Variants in TPX2 observed in about 807,000 individuals in gnomAD.
TPX2 encodes targeting protein for Xklp2.
In TPX2, 21 loss-of-function variants were observed where a neutral mutation model predicts 93.6. That is an observed-to-expected ratio of 0.22 (90% CI 0.16 to 0.32). The LOEUF is 0.32. Among genes scored for constraint, TPX2 ranks in the 10% least tolerant of loss-of-function variants. The pLI, the probability that TPX2 is intolerant of heterozygous loss-of-function variation, is 1.00. For missense variants in TPX2, 776 were observed against 871.1 expected, an observed-to-expected ratio of 0.89 and a Z score of 1.37; for synonymous variants, 281 against 298.3, an observed-to-expected ratio of 0.94 and a Z score of 0.60.
intron 10 of TPX2, chr20:31,781,069 G>A (rs1260208951): frequency 4.6e-6 from 1 of 215,128 alleles, no homozygotes; most frequent in Non-Finnish European, 9.6e-6. Context: ...ATATATAGGT[G>A]CATGCCACCA....
At chr20:31,786,939 G>A (rs1415279867) in intron 12 of TPX2, among the ~76,000 whole-genome samples, 1 of 152,086 alleles carries the variant, frequency 6.6e-6, no homozygotes, top group Non-Finnish European at 1.5e-5. Flanking sequence ...GGAAGTGTTT[G>A]CCAAATCCAG....
chr20:31,767,229 T>C (rs974314550), intron 5 of TPX2, among the ~76,000 whole-genome samples: 2 of 152,214 alleles, frequency 1.3e-5, no homozygotes, highest in Non-Finnish European at 2.9e-5. Context: ...TCAGAGATAC[T>C]AAGTTGCTTG....
chr20:31,754,753 A>G (rs1160363041), intron 2 of TPX2, among the ~76,000 whole-genome samples: 1 of 152,176 alleles, frequency 6.6e-6, no homozygotes. Flanking sequence ...AAAATATTGG[A>G]AAAAGGCTGA....
rs2061928433 is a variant in TPX2, at chr20:31,766,623, T to G, written c.297T>G (p.Ala99=). The G allele has an allele frequency of 1.4e-5, 22 of 1,613,850 alleles. No individual in the cohort carries two copies. The East Asian group carries it at 4.7e-4, about 34-fold the overall frequency. ...NLVEQSIPSN[A]CSSLEVEAAI... is the part of the protein sequence containing the mutation. ...TGGAACAATCCATTCCGTCAAATGCTTGTTCTTCCCTGGAAGTTGAGGCAG... is the reference window on the plus strand; with the variant it reads ...TGGAACAATCCATTCCGTCAAATGCGTGTTCTTCCCTGGAAGTTGAGGCAG... The change falls in exon 5 of 18, where the codon GCT becomes GCG. Residue 99 remains alanine (A), a synonymous_variant. Transcript: ENST00000300403.
In TPX2 at chr20:31,792,634, G is replaced by C. The variant is rs111731935; in HGVS notation, c.1414-101G>C. ...TGAGACCAGCTGGGCAACATAGTGA[G>C]ACCCTGTCTCTACCCAAAGGGGAAA... On this transcript the variant is annotated intron_variant, in intron 12 of 17. Transcript: ENST00000300403. The C allele has an allele frequency of 2.7e-3, 3,033 of 1,141,362 alleles. 42 individuals are homozygous for C. In the African/African-American group the frequency reaches 0.042, roughly 16 times the overall value. 70.7% of individuals were successfully genotyped at this position (1,141,362 alleles called of 1,614,324 possible).
intron 12 of TPX2, among the ~76,000 whole-genome samples, chr20:31,788,278 C>T (rs952909918): frequency 1.1e-4 from 17 of 151,860 alleles, no homozygotes; most frequent in Admixed American, 2.6e-4. Context: ...ATTAGCCGGG[C>T]GTGGTGGCAG....
At chr20:31,742,368 G>C (rs2061758215) in intron 1 of TPX2, among the ~76,000 whole-genome samples, 173 bp from the exon 2 acceptor site, 1 of 151,964 alleles carries the variant, frequency 6.6e-6, no homozygotes, top group Admixed American at 6.6e-5. Flanking sequence ...AGTAGAGATG[G>C]GGTTTCACCA....
intron 4 of TPX2, among the ~76,000 whole-genome samples, chr20:31,764,248 C>T (rs1436444468): frequency 2.6e-5 from 4 of 152,056 alleles, no homozygotes; most frequent in Admixed American, 6.5e-5. Flanking sequence ...CGCCTCACTG[C>T]AGCCTCTACC....
intron 15 of TPX2, 43 bp downstream of exon 15, chr20:31,794,591 G>C: frequency 6.2e-7 from 1 of 1,604,428 alleles, no homozygotes; most frequent in Non-Finnish European, 8.5e-7. Flanking sequence ...TTGCTTGGTT[G>C]GTTGATTGTA....
At chr20:31,776,595 C>G (rs549154304) in intron 8 of TPX2, among the ~76,000 whole-genome samples, 1 of 151,560 alleles carries the variant, frequency 6.6e-6, no homozygotes, top group African/African-American at 2.4e-5. Flanking sequence ...GCGTGATCTC[C>G]GCTCAACACA....
intron 9 of TPX2, among the ~76,000 whole-genome samples, chr20:31,778,364 G>C (rs565999060): frequency 7.4e-4 from 112 of 152,260 alleles, no homozygotes; most frequent in African/African-American, 2.7e-3. Flanking sequence ...ATAGGAATAG[G>C]CTTCTTCATC....
In TPX2 at chr20:31,760,192, C is replaced by G. The variant is rs981449085; in HGVS notation, c.229+13C>G. The G allele has an allele frequency of 2.5e-6, 4 of 1,611,904 alleles. No individual in the cohort carries two copies. Among genetic ancestry groups the G allele is most frequent in the Non-Finnish European group, 3.4e-6 (4 of 1,179,348 alleles). On this transcript the variant is annotated intron_variant, in intron 4 of 17. Transcript: ENST00000300403. ...CCTTTGAAACCAGGTAAGAAAACAT[C>G]TTAGAAAAAAGCTCCTTGATAGAAT...
At chr20:31,764,593 A>G (rs569369472) in intron 4 of TPX2, among the ~76,000 whole-genome samples, 5 of 152,282 alleles carry the variant, frequency 3.3e-5, no homozygotes, top group Admixed American at 1.3e-4. Flanking sequence ...TGGTATGTCT[A>G]TATTTAAAGT....
chr20:31,771,121 C>G (rs557669199), intron 6 of TPX2, among the ~76,000 whole-genome samples: 15 of 152,238 alleles, frequency 9.9e-5, no homozygotes, highest in Admixed American at 5.9e-4. Context: ...TTTCATTCGC[C>G]TAGACTTGTG....
At position 31,770,369 on chromosome 20, in the gene TPX2, A is replaced by C; in HGVS notation, c.383A>C (p.Lys128Thr). The change falls in exon 6 of 18, where the codon AAG becomes ACG. Residue 128 changes from lysine (K) to threonine (T), a missense_variant. Physicochemically the swap from Lys to Thr is moderately conservative, Grantham distance 78. This residue lies in a region of TPX2 where 279 missense variants were observed against 261.6 expected (regional missense o/e 1.07). Coordinates refer to ENST00000300403, the MANE Select transcript of TPX2 (RefSeq NM_012112.5). ...AGATCTCTTAGGCTTTCTGCTCAGA[A>C]GGATTTGGAACAGAAAGAAAAGCAT... Reference protein sequence around the residue: ...QRRSLRLSAQKDLEQKEKHHV... With the variant: ...QRRSLRLSAQTDLEQKEKHHV... 1 of 1,600,456 alleles carries C rather than the reference A, an allele frequency of 6.2e-7. No homozygotes were observed. The highest frequency in any genetic ancestry group is 8.5e-7 in the Non-Finnish European group (1 of 1,173,082).
At chr20:31,794,778 G>A (rs1468160956) in intron 15 of TPX2, among the ~76,000 whole-genome samples, 1 of 151,826 alleles carries the variant, frequency 6.6e-6, no homozygotes, top group Non-Finnish European at 1.5e-5. Context: ...GTGTGTGTGT[G>A]TGTGTGTGTG....
chr20:31,771,566 C>G lies in TPX2; in HGVS notation c.492C>G (p.Asn164Lys). Residue 164 changes from asparagine to lysine, a missense_variant, in exon 7 of 18, where the codon AAC becomes AAG. Asn to Lys is a moderately conservative substitution (Grantham distance 94, BLOSUM62 0). Transcript: ENST00000300403. ...TTGTCCTTTTGAACTCAAGTTCTAA[C>G]AACAAAAAGAAGCCAGAGGAAGAAG... ...ILPSKKMKVS[N>K]NKKKPEEEGS... The G allele has an allele frequency of 6.2e-7, 1 of 1,610,768 alleles. No individual in the cohort carries two copies. Among genetic ancestry groups the G allele is most frequent in the Non-Finnish European group, 8.5e-7 (1 of 1,179,144 alleles).
At chr20:31,752,929 T>C (rs2061828529) in intron 2 of TPX2, among the ~76,000 whole-genome samples, 1 of 152,148 alleles carries the variant, frequency 6.6e-6, no homozygotes, top group Admixed American at 6.6e-5. Flanking sequence ...GATCTACTTT[T>C]TGTGTGAAGA....
intron 3 of TPX2, 54 bp downstream of exon 3, chr20:31,757,636 G>A: frequency 7.0e-7 from 1 of 1,421,370 alleles, no homozygotes; most frequent in Non-Finnish European, 9.8e-7. Context: ...GCTTTGTGCT[G>A]AAGACCTTTC....
Sources: allele counts gnomAD v4.1 joint callset (sites outside exome capture counted in the v4.1 genomes callset), GRCh38; gene constraint gnomAD v4.1.1; regional missense constraint gnomAD v4.1.1; transcripts MANE v1.5; gene names NCBI Gene and HGNC (gene_info 2026-07-23, HGNC 2026-07-21).